ZNF438: variants seen among roughly 807,000 people sequenced by gnomAD.
ZNF438 encodes the protein zinc finger protein 438.
Under a neutral mutation model 38.0 loss-of-function variants are expected in ZNF438, and 25 were observed. That is an observed-to-expected ratio of 0.66 (90% CI 0.48 to 0.92). The LOEUF (loss-of-function observed/expected upper bound fraction) is 0.92. Ranked by LOEUF, ZNF438 falls within the 40% of genes least tolerant of loss-of-function variation. The pLI is 0.00. For synonymous variants in ZNF438, 372 were observed against 364.1 expected, an observed-to-expected ratio of 1.02 and a Z score of -0.25; for missense variants, 1,007 against 999.6, an observed-to-expected ratio of 1.01 and a Z score of -0.10.
At chr10:31,031,921 C>G (rs1225589951) in exon 1 of ZNF438, 2 of 152,344 alleles carry the variant, frequency 1.3e-5, no homozygotes, top group East Asian at 3.9e-4. Context: ...GGCCGCTGGG[C>G]CCCCAGGCTC....
chr10:30,968,118 A>G (rs914038949), intron 1 of ZNF438, among the ~76,000 whole-genome samples: 2 of 152,204 alleles, frequency 1.3e-5, no homozygotes, highest in African/African-American at 2.4e-5. Flanking sequence ...CATATGTACT[A>G]TATCACTGCC....
intron 2 of ZNF438, among the ~76,000 whole-genome samples, chr10:30,932,740 A>C (rs1427366543): frequency 6.6e-6 from 1 of 152,238 alleles, no homozygotes; most frequent in African/African-American, 2.4e-5. Flanking sequence ...ATATGACCTT[A>C]TTTGGAAATA....
chr10:30,912,729 T>G (rs1210249317), intron 2 of ZNF438, among the ~76,000 whole-genome samples: 1 of 152,128 alleles, frequency 6.6e-6, no homozygotes, highest in Non-Finnish European at 1.5e-5. Context: ...TGTGTTTCCA[T>G]GTCCTCAGCT....
chr10:30,946,956 T>TTA (rs1220130556), intron 1 of ZNF438, among the ~76,000 whole-genome samples: 11 of 152,350 alleles, frequency 7.2e-5, no homozygotes, highest in Non-Finnish European at 1.3e-4. Context: ...ACTTCAAATA[T>TTA]TATACCACGT....
intron 2 of ZNF438, chr10:30,919,951 G>A (rs1236421661): frequency 6.6e-6 from 1 of 152,236 alleles, no homozygotes; most frequent in Admixed American, 6.5e-5. Flanking sequence ...CTGTGTTCAT[G>A]AACTTTATAG....
At chr10:31,012,157 C>T (rs1272663795) in intron 1 of ZNF438, among the ~76,000 whole-genome samples, 2 of 147,560 alleles carry the variant, frequency 1.4e-5, no homozygotes, top group Non-Finnish European at 1.5e-5. Context: ...GAGTCTCGCT[C>T]TGTCGCCCAG....
At chr10:30,933,669 C>T (rs968144518) in intron 2 of ZNF438, among the ~76,000 whole-genome samples, 2 of 152,126 alleles carry the variant, frequency 1.3e-5, no homozygotes, top group African/African-American at 4.8e-5. Context: ...ATGCAGGCTA[C>T]AGAAAACACA....
At chr10:30,966,180 A>C (rs1452661624) in intron 1 of ZNF438, among the ~76,000 whole-genome samples, 1 of 152,096 alleles carries the variant, frequency 6.6e-6, no homozygotes, top group Non-Finnish European at 1.5e-5. Context: ...AAATGAAAAA[A>C]TAAGTAGGGC....
At chr10:30,893,412 G>T (rs1183872514) in intron 3 of ZNF438, among the ~76,000 whole-genome samples, 4 of 152,206 alleles carry the variant, frequency 2.6e-5, no homozygotes, top group African/African-American at 9.7e-5. Flanking sequence ...CCAAAAGGAA[G>T]TGAGCATTAG....
chr10:30,848,717 AGACGGTT>A lies in ZNF438; in HGVS notation c.1681_1687del (p.Asn561Ter). On this transcript the variant is annotated frameshift_variant, in exon 5 of 6. Transcript: ENST00000413025. LOFTEE classifies it high-confidence loss of function. ...AAACTCACAACACATGAGTTTCTTC[AGACGGTT>A]CTCACCATGATGAAGTTTCATGTGT... The A allele has an allele frequency of 6.2e-7, 1 of 1,614,216 alleles. No homozygotes were observed. The highest frequency in any genetic ancestry group is 8.5e-7 in the Non-Finnish European group (1 of 1,180,044).
chr10:30,859,744 T>C (rs1252992122), intron 4 of ZNF438, among the ~76,000 whole-genome samples: 1 of 152,240 alleles, frequency 6.6e-6, no homozygotes, highest in Non-Finnish European at 1.5e-5. Flanking sequence ...TCAGCAGATA[T>C]ACTAGTTTTC....
intron 1 of ZNF438, among the ~76,000 whole-genome samples, chr10:31,020,596 T>C (rs1250506342): frequency 6.6e-6 from 1 of 152,162 alleles, no homozygotes; most frequent in Non-Finnish European, 1.5e-5. Context: ...TTTAAATTCC[T>C]TTCTGGGCCT....
At chr10:30,850,350 A>G (rs1408034872) in exon 5 of ZNF438, 1 of 1,612,112 alleles carries the variant, frequency 6.2e-7, no homozygotes, top group Admixed American at 1.7e-5. Flanking sequence ...ATTGTTCCAG[A>G]AGGGATGTTT....
chr10:30,887,682 C>T (rs897355548), intron 3 of ZNF438, among the ~76,000 whole-genome samples: 2 of 152,226 alleles, frequency 1.3e-5, no homozygotes, highest in South Asian at 2.1e-4. Flanking sequence ...GCCACCGCGC[C>T]CGGCCTAAAC....
intron 1 of ZNF438, among the ~76,000 whole-genome samples, chr10:30,957,386 G>A (rs1402661782): frequency 1.3e-5 from 2 of 152,140 alleles, no homozygotes; most frequent in African/African-American, 4.8e-5. Flanking sequence ...AGAGCTTTAA[G>A]TTTGATGTAA....
At chr10:30,946,850 C>A (rs1176238823) in intron 1 of ZNF438, among the ~76,000 whole-genome samples, 1 of 152,024 alleles carries the variant, frequency 6.6e-6, no homozygotes, top group East Asian at 1.9e-4. Flanking sequence ...TCCATTTTAT[C>A]TCCACTACTG....
At chr10:30,949,393 T>C (rs927160191) in intron 1 of ZNF438, among the ~76,000 whole-genome samples, 5 of 152,238 alleles carry the variant, frequency 3.3e-5, no homozygotes, top group African/African-American at 7.2e-5. Flanking sequence ...CAAATTCACA[T>C]GTAACAATAT....
At chr10:31,001,679 C>CA (rs1358353614) in intron 1 of ZNF438, among the ~76,000 whole-genome samples, 2 of 152,150 alleles carry the variant, frequency 1.3e-5, no homozygotes, top group Non-Finnish European at 2.9e-5. Flanking sequence ...TATTTGGTTA[C>CA]AAAATTTTGC....
chr10:30,967,219 A>G (rs1485110570), intron 1 of ZNF438, among the ~76,000 whole-genome samples: 2 of 152,210 alleles, frequency 1.3e-5, no homozygotes, highest in Non-Finnish European at 2.9e-5. Context: ...CTTTTTGCCA[A>G]CCACAAAAAT....
Sources: gnomAD v4.1 joint callset for allele counts (sites outside exome capture counted in the v4.1 genomes callset) on GRCh38, gnomAD v4.1.1 for gene constraint, MANE v1.5 for transcripts, NCBI Gene and HGNC (gene_info 2026-07-23, HGNC 2026-07-21) for gene names.